Variants in IFTAP observed in about 807,000 individuals in gnomAD.
IFTAP encodes intraflagellar transport-associated protein.
IFTAP carries 19 observed loss-of-function variants against 19.4 expected under a neutral mutation model. The ratio of observed to expected loss-of-function variants is 0.98; its 90% CI spans 0.68 to 1.44. IFTAP has a LOEUF of 1.44. Among genes scored for constraint, IFTAP ranks in the 40% most tolerant of loss-of-function variants. The pLI is 0.00. For missense variants in IFTAP, 240 were observed against 253.6 expected (o/e 0.95, Z 0.36); for synonymous variants, 85 against 83.5 (o/e 1.02, Z -0.10).
At chr11:36,622,245 T>G (rs190549505) in intron 2 of IFTAP, among the ~76,000 whole-genome samples, 3 of 152,178 alleles carry the variant, frequency 2.0e-5, no homozygotes, top group Admixed American at 2.0e-4. Context: ...GATGTTATTC[T>G]ACTTTAGAAA....
intron 2 of IFTAP, among the ~76,000 whole-genome samples, chr11:36,617,195 TTG>T (rs1852124533): frequency 6.7e-6 from 1 of 149,304 alleles, no homozygotes; most frequent in Admixed American, 6.7e-5. Flanking sequence ...GTATATTTAT[TTG>T]TATATATATT....
chr11:36,635,498 A>C (rs1242731475), intron 3 of IFTAP, among the ~76,000 whole-genome samples: 1 of 152,096 alleles, frequency 6.6e-6, no homozygotes, highest in African/African-American at 2.4e-5. Context: ...TTTCAGTTTT[A>C]TTTGCTCGAA....
chr11:36,646,208 G>T (rs1299189201), intron 4 of IFTAP, among the ~76,000 whole-genome samples: 1 of 152,178 alleles, frequency 6.6e-6, no homozygotes, highest in African/African-American at 2.4e-5. Context: ...CAGCCAGAAT[G>T]ATGATTTTAA....
At chr11:36,617,650 T>C (rs555381865) in intron 2 of IFTAP, among the ~76,000 whole-genome samples, 25 of 152,116 alleles carry the variant, frequency 1.6e-4, no homozygotes, top group African/African-American at 6.0e-4. Flanking sequence ...CTGTTTCAAT[T>C]GTAGAGTTGG....
chr11:36,612,899 A>C (rs1490771921), intron 2 of IFTAP, among the ~76,000 whole-genome samples: 1 of 152,100 alleles, frequency 6.6e-6, no homozygotes, highest in East Asian at 1.9e-4. Context: ...AACATTTGGA[A>C]ACTGTTAATA....
chr11:36,616,904 A>G (rs537408463), intron 2 of IFTAP, among the ~76,000 whole-genome samples: 1 of 151,856 alleles, frequency 6.6e-6, no homozygotes, highest in East Asian at 1.9e-4. Context: ...TTTATTAGAA[A>G]ACTTTAAAAG....
intron 5 of IFTAP, among the ~76,000 whole-genome samples, chr11:36,658,385 T>C (rs1374827451): frequency 6.6e-6 from 1 of 152,188 alleles, no homozygotes; most frequent in Non-Finnish European, 1.5e-5. Context: ...TATGAATAGA[T>C]TCAAAATTAT....
chr11:36,642,013 C>T (rs1373451398), intron 4 of IFTAP, among the ~76,000 whole-genome samples: 3 of 152,168 alleles, frequency 2.0e-5, no homozygotes, highest in Non-Finnish European at 4.4e-5. Context: ...GAATTGATCC[C>T]TTTACCATTA....
chr11:36,627,484 TG>T, intron 2 of IFTAP, among the ~76,000 whole-genome samples: 1 of 151,422 alleles, frequency 6.6e-6, no homozygotes, highest in Admixed American at 6.5e-5. Flanking sequence ...CCTGCTTGTC[TG>T]TAAATATTAC....
chr11:36,614,795 G>T lies in IFTAP; in HGVS notation c.136+4556G>T, dbSNP rs1852009303. 3.3e-5 allele frequency among the ~76,000 whole-genome samples: 5 copies of T among 149,438 alleles called. No individual in the cohort carries two copies. In the South Asian group the frequency reaches 1.1e-3, roughly 32 times the overall value. On this transcript the variant is annotated intron_variant, in intron 2 of 5. Transcript: ENST00000334307. ...GTTTTTTCCTTGTAAATTTGTTTGA[G>T]TTCATTGTAGATTCTGGATATTAGC...
chr11:36,633,316 A>G lies in IFTAP; in HGVS notation c.169A>G (p.Thr57Ala), dbSNP rs1393497550. ...TGTGTCCAAAAGGGGAGTGTTTGGA[A>G]CTGATTCTTCAGAAAACATTTTTAC... ...DHVSKRGVFG[T>A]DSSENIFTSA... The change falls in exon 3 of 6, where the codon ACT (threonine) becomes GCT (alanine). Residue 57 changes from threonine to alanine, a missense_variant. Thr to Ala is a moderately conservative substitution (Grantham distance 58, BLOSUM62 0). Transcript: ENST00000334307. 1 of 1,598,720 alleles carries G rather than the reference A, an allele frequency of 6.3e-7. No homozygotes were observed. Among genetic ancestry groups the G allele is most frequent in the Non-Finnish European group, 8.5e-7 (1 of 1,173,530 alleles).
In IFTAP at chr11:36,594,571, T is replaced by C; in HGVS notation, c.-45T>C. 1 of 218,184 alleles carries C rather than the reference T, an allele frequency of 4.6e-6. No individual in the cohort carries two copies. Among genetic ancestry groups the C allele is most frequent in the East Asian group, 1.1e-4 (1 of 8,800 alleles). 13.5% of individuals were successfully genotyped at this position (218,184 alleles called of 1,614,324 possible). A position where few individuals can be genotyped will look rare whatever the true frequency, so the allele number is the denominator to read the frequency against. ...GGAGAGGGGACTCCTGGAATGTGTC[T>C]GTGAATAAAGACTAGCCGAAGGTGC... On this transcript the variant is annotated 5_prime_UTR_variant, in exon 1 of 6. Transcript: ENST00000334307.
intron 5 of IFTAP, among the ~76,000 whole-genome samples, chr11:36,658,062 A>T (rs563146553): frequency 6.6e-6 from 1 of 152,236 alleles, no homozygotes. Flanking sequence ...TCTGAGCTAC[A>T]TGCTACATTT....
intron 3 of IFTAP, among the ~76,000 whole-genome samples, chr11:36,634,002 T>C (rs1286000486): frequency 6.6e-6 from 1 of 152,186 alleles, no homozygotes; most frequent in Non-Finnish European, 1.5e-5. Context: ...TGCTTCATCA[T>C]GTATTCCTTG....
At chr11:36,652,894 T>C (rs965265997) in intron 5 of IFTAP, among the ~76,000 whole-genome samples, 54 of 152,104 alleles carry the variant, frequency 3.6e-4, no homozygotes, top group African/African-American at 1.3e-3. Context: ...AGTTACTTTA[T>C]TTTGATGAAC....
chr11:36,596,272 ACTG>A (rs1303954776), intron 1 of IFTAP, among the ~76,000 whole-genome samples: 12 of 111,910 alleles, frequency 1.1e-4, no homozygotes, highest in Non-Finnish European at 1.7e-4. Context: ...GCTGTAATTT[ACTG>A]CTAAATAATC....
chr11:36,610,990 G>A (rs893204738), intron 2 of IFTAP, among the ~76,000 whole-genome samples: 3 of 152,150 alleles, frequency 2.0e-5, no homozygotes, highest in South Asian at 2.1e-4. Flanking sequence ...AATTTTACAC[G>A]AAAATCTTGA....
At chr11:36,644,559 T>C (rs1471163785) in intron 4 of IFTAP, among the ~76,000 whole-genome samples, 3 of 152,162 alleles carry the variant, frequency 2.0e-5, no homozygotes, top group East Asian at 1.9e-4. Context: ...CGTATGTTCA[T>C]TGTGGCACTA....
intron 5 of IFTAP, 79 bp from the exon 6 acceptor site, chr11:36,658,939 TA>T (rs1854106220): frequency 1.9e-6 from 2 of 1,047,754 alleles, no homozygotes; most frequent in Admixed American, 3.2e-5. Context: ...AATTAAATAT[TA>T]ATAGGGAGTT....
Sources: allele counts gnomAD v4.1 joint callset (sites outside exome capture counted in the v4.1 genomes callset), GRCh38; gene constraint gnomAD v4.1.1; transcripts MANE v1.5; gene names NCBI Gene and HGNC (gene_info 2026-07-23, HGNC 2026-07-21).